CFAP77: variants seen among roughly 807,000 people sequenced by gnomAD.
CFAP77 encodes cilia and flagella associated protein 77.
In CFAP77, 25 loss-of-function variants were observed where a neutral mutation model predicts 31.1. The ratio of observed to expected loss-of-function variants is 0.80; its 90% CI spans 0.59 to 1.12. The LOEUF is 1.12. CFAP77 is among the 50% of genes most tolerant of loss of function. The pLI, the probability that CFAP77 is intolerant of heterozygous loss-of-function variation, is 0.00. For synonymous variants in CFAP77, 151 were observed against 159.9 expected, an observed-to-expected ratio of 0.94 and a Z score of 0.42; for missense variants, 377 against 397.3, an observed-to-expected ratio of 0.95 and a Z score of 0.44.
At chr9:132,541,915 C>A (rs1369796552) in intron 4 of CFAP77, among the ~76,000 whole-genome samples, 1 of 152,196 alleles carries the variant, frequency 6.6e-6, no homozygotes, top group Non-Finnish European at 1.5e-5. Context: ...GTTTACTGGG[C>A]CCCGCCCTTG....
At chr9:132,478,061 G>C (rs1368699108) in intron 1 of CFAP77, among the ~76,000 whole-genome samples, 2 of 152,146 alleles carry the variant, frequency 1.3e-5, no homozygotes, top group African/African-American at 4.8e-5. Context: ...CTAACCAGGT[G>C]ATATGGTTTG....
intron 1 of CFAP77, among the ~76,000 whole-genome samples, chr9:132,412,049 C>T (rs1173796569): frequency 1.3e-5 from 2 of 152,088 alleles, no homozygotes; most frequent in Non-Finnish European, 1.5e-5. Flanking sequence ...TTTTGCTTCC[C>T]CCGCCCCACC....
intron 1 of CFAP77, among the ~76,000 whole-genome samples, chr9:132,436,749 G>A (rs1265139935): frequency 6.6e-6 from 1 of 152,126 alleles, no homozygotes; most frequent in African/African-American, 2.4e-5. Context: ...AATTACGAAC[G>A]CTTCAAGTGA....
At chr9:132,536,441 T>C (rs1852546368) in intron 3 of CFAP77, among the ~76,000 whole-genome samples, 1 of 147,730 alleles carries the variant, frequency 6.8e-6, no homozygotes, top group Non-Finnish European at 1.5e-5. Flanking sequence ...TTGCCCAGGC[T>C]GGAGTGCAGT....
intron 5 of CFAP77, among the ~76,000 whole-genome samples, chr9:132,572,117 C>A (rs75931839): frequency 1.3e-5 from 2 of 151,988 alleles, no homozygotes; most frequent in Non-Finnish European, 1.5e-5. Context: ...ATTGCGTGGT[C>A]GTCTGGTCAT....
intron 3 of CFAP77, among the ~76,000 whole-genome samples, chr9:132,535,350 G>A (rs1318093715): frequency 6.6e-6 from 1 of 152,170 alleles, no homozygotes; most frequent in Non-Finnish European, 1.5e-5. Context: ...CACAGCTTCA[G>A]ATTTCCTCAT....
chr9:132,548,597 A>G (rs1423432120), intron 5 of CFAP77, among the ~76,000 whole-genome samples: 2 of 151,844 alleles, frequency 1.3e-5, no homozygotes, highest in Non-Finnish European at 2.9e-5. Context: ...CGGAGCCTGG[A>G]TCTTTATTAT....
intron 1 of CFAP77, among the ~76,000 whole-genome samples, chr9:132,463,048 G>A (rs754995218): frequency 7.2e-5 from 11 of 152,096 alleles, no homozygotes; most frequent in African/African-American, 2.4e-4. Context: ...ATAGCAGGAC[G>A]GGGAGAGGCA....
At chr9:132,467,765 C>A (rs1168670471) in intron 1 of CFAP77, among the ~76,000 whole-genome samples, 4 of 152,148 alleles carry the variant, frequency 2.6e-5, no homozygotes, top group African/African-American at 9.7e-5. Context: ...TTTTGGGGAA[C>A]CACCATTCTG....
At position 132,490,611 on chromosome 9, in the gene CFAP77, G is replaced by A. The variant is rs773813595; in HGVS notation, c.196-8084G>A. Among the ~76,000 whole-genome samples, 79 of 152,248 alleles carry A rather than the reference G, an allele frequency of 5.2e-4. No homozygotes were observed. The Middle Eastern group carries it at 0.01, about 20-fold the overall frequency. On this transcript the variant is annotated intron_variant, in intron 1 of 5. Transcript: ENST00000393216. The surrounding 1 kb of genome is among the most constrained non-coding windows in gnomAD (Gnocchi z 4.6). ...GCACTCCCACCTCTGGCTCCAGGCC[G>A]CTCCCTGCTCTAAGTCCCCTTGGCC...
chr9:132,535,383 T>A (rs952599035), intron 3 of CFAP77, among the ~76,000 whole-genome samples: 7 of 152,210 alleles, frequency 4.6e-5, no homozygotes, highest in African/African-American at 1.7e-4. Flanking sequence ...CCTCGGGATA[T>A]CTTACGCTAG....
rs1265616469 is a variant in CFAP77 at position 132,564,865 on chromosome 9, G to T, written c.733-7523G>T. Among the ~76,000 whole-genome samples, 1 of 152,164 alleles carries T rather than the reference G, an allele frequency of 6.6e-6. No individual in the cohort carries two copies. Among genetic ancestry groups the T allele is most frequent in the African/African-American group, 2.4e-5 (1 of 41,452 alleles). Reference sequence around the variant, plus strand: ...ATGCGGGAAGCAAAGTGAGACCTCCGTTCAGGGACTGCGGTGCTGAGGAAG... The same window carrying T: ...ATGCGGGAAGCAAAGTGAGACCTCCTTTCAGGGACTGCGGTGCTGAGGAAG... On this transcript the variant is annotated intron_variant, in intron 5 of 5. Transcript: ENST00000393216. The surrounding 1 kb of genome is among the most constrained non-coding windows in gnomAD (Gnocchi z 4.6).
chr9:132,553,554 G>A (rs997009586), intron 5 of CFAP77, among the ~76,000 whole-genome samples: 2 of 152,226 alleles, frequency 1.3e-5, no homozygotes, highest in African/African-American at 4.8e-5. Context: ...CCACCTCCTT[G>A]TTGTGTTTCT....
chr9:132,507,785 T>A (rs1422633642), intron 3 of CFAP77, among the ~76,000 whole-genome samples: 1 of 152,154 alleles, frequency 6.6e-6, no homozygotes, highest in Non-Finnish European at 1.5e-5. Context: ...CGAGACCACG[T>A]CTGCATTTAT....
chr9:132,460,621 T>C (rs1589863787), intron 1 of CFAP77, among the ~76,000 whole-genome samples: 1 of 151,682 alleles, frequency 6.6e-6, no homozygotes, highest in East Asian at 1.9e-4. Flanking sequence ...GAGATGGGGG[T>C]GTGAGGAGTG....
At chr9:132,478,665 G>A (rs570964802) in intron 1 of CFAP77, among the ~76,000 whole-genome samples, 11 of 152,292 alleles carry the variant, frequency 7.2e-5, no homozygotes, top group East Asian at 1.9e-4. Context: ...TGGAGGTGAC[G>A]AGGAGGGGAC....
intron 5 of CFAP77, among the ~76,000 whole-genome samples, chr9:132,551,516 G>A (rs1852819933): frequency 1.3e-5 from 2 of 151,956 alleles, no homozygotes; most frequent in African/African-American, 4.8e-5. Context: ...GGCTGGTCTC[G>A]AACTCCTGGC....
At chr9:132,569,002 T>G (rs929307004) in intron 5 of CFAP77, among the ~76,000 whole-genome samples, 8 of 152,170 alleles carry the variant, frequency 5.3e-5, no homozygotes, top group African/African-American at 1.9e-4. Context: ...GTCTGGCCGT[T>G]GATGGCTATT....
At chr9:132,536,437 A>G (rs1382547561) in intron 3 of CFAP77, among the ~76,000 whole-genome samples, 1 of 130,708 alleles carries the variant, frequency 7.7e-6, no homozygotes, top group Non-Finnish European at 1.6e-5. Context: ...TATGTTGCCC[A>G]GGCTGGAGTG....
Sources: allele counts gnomAD v4.1 joint callset (sites outside exome capture counted in the v4.1 genomes callset), GRCh38; gene constraint gnomAD v4.1.1; non-coding constraint Gnocchi (gnomAD v3.1); transcripts MANE v1.5; gene names NCBI Gene and HGNC (gene_info 2026-07-23, HGNC 2026-07-21).